PTPN4: variants seen among roughly 807,000 people sequenced by gnomAD.
PTPN4 encodes the protein tyrosine-protein phosphatase non-receptor type 4.
Under a neutral mutation model 135.5 loss-of-function variants are expected in PTPN4, and 49 were observed. That is an observed-to-expected ratio of 0.36 (90% CI 0.29 to 0.46). The LOEUF (loss-of-function observed/expected upper bound fraction) is 0.46. PTPN4 is among the 20% of genes least tolerant of loss of function. The pLI, the probability that PTPN4 is intolerant of heterozygous loss-of-function variation, is 1.00. For synonymous variants in PTPN4, 333 were observed against 369.9 expected, an observed-to-expected ratio of 0.90 and a Z score of 1.14; for missense variants, 860 against 1,101.0, an observed-to-expected ratio of 0.78 and a Z score of 3.10.
intron 1 of PTPN4, among the ~76,000 whole-genome samples, chr2:119,770,809 T>G (rs986852333): frequency 6.6e-6 from 1 of 152,164 alleles, no homozygotes; most frequent in Non-Finnish European, 1.5e-5. Flanking sequence ...TCTTTCTGTA[T>G]GAACTAGTGC....
At chr2:119,939,738 T>C (rs1317302204) in intron 15 of PTPN4, among the ~76,000 whole-genome samples, 2 of 152,186 alleles carry the variant, frequency 1.3e-5, no homozygotes, top group African/African-American at 4.8e-5. Context: ...AGCTTTGCCT[T>C]TCCTCCACCC....
rs192464662 is a variant in PTPN4, at chr2:119,855,890, C to T, written c.139-6646C>T. On this transcript the variant is annotated intron_variant, in intron 2 of 26. Coordinates refer to ENST00000263708, the MANE Select transcript of PTPN4 (RefSeq NM_002830.4). ...GCGATCTCAGCTTACTGCAAAGCTC[C>T]GCCTCCTGGGTTCACACCATTCTCC... Among the ~76,000 whole-genome samples the T allele has an allele frequency of 3.3e-3, 497 of 152,110 alleles. 2 individuals carry two copies. Among genetic ancestry groups the T allele is most frequent in the African/African-American group, 0.011 (467 of 41,492 alleles).
chr2:119,980,401 A>G lies in PTPN4; in HGVS notation c.*3331A>G, dbSNP rs1679674648. ...AAGTCTCCTGTCTTCTATCTCCACT[A>G]GAAGTACTGCAGCTTGAGAGCTGAA... On this transcript the variant is annotated 3_prime_UTR_variant, in exon 27 of 27. Transcript: ENST00000263708. 1 of 152,062 alleles carries G rather than the reference A, an allele frequency of 6.6e-6. No individual in the cohort carries two copies. 9.4% of individuals were successfully genotyped at this position (152,062 alleles called of 1,614,324 possible). A position where few individuals can be genotyped will look rare whatever the true frequency, so the allele number is the denominator to read the frequency against.
chr2:119,970,738 C>G (rs1449784594), intron 26 of PTPN4, among the ~76,000 whole-genome samples: 2 of 152,136 alleles, frequency 1.3e-5, no homozygotes, highest in Non-Finnish European at 2.9e-5. Flanking sequence ...TTTGTATCCA[C>G]TTTTTGGTTA....
intron 2 of PTPN4, among the ~76,000 whole-genome samples, chr2:119,845,246 G>GGGAGGA (rs1677475584): frequency 1.4e-5 from 1 of 72,846 alleles, no homozygotes; most frequent in Non-Finnish European, 2.9e-5. Flanking sequence ...GAGGGAGAGG[G>GGGAGGA]GGAGGGGGAG....
chr2:119,773,831 A>C (rs1292212456), intron 1 of PTPN4, among the ~76,000 whole-genome samples: 1 of 152,180 alleles, frequency 6.6e-6, no homozygotes, highest in Admixed American at 6.5e-5. Flanking sequence ...ACTACCATAA[A>C]ATATACACAA....
chr2:119,788,330 A>C (rs1406421801), intron 1 of PTPN4, among the ~76,000 whole-genome samples: 4 of 152,214 alleles, frequency 2.6e-5, no homozygotes, highest in Non-Finnish European at 5.9e-5. Flanking sequence ...AAAATAAAAT[A>C]ATTTCACTAA....
rs768023889 is a variant in PTPN4, at chr2:119,932,542, C to T, written c.1189C>T (p.Pro397Ser). 6 of 1,604,880 alleles carry T rather than the reference C, an allele frequency of 3.7e-6. No individual in the cohort carries two copies. The highest frequency in any genetic ancestry group is 5.1e-6 in the Non-Finnish European group (6 of 1,176,246). The change falls in exon 14 of 27, where the codon CCT becomes TCT. Residue 397 changes from proline (P) to serine (S), a missense_variant. By Grantham distance (74) the Pro-to-Ser change is moderately conservative. This residue lies in a region of PTPN4 where 684 missense variants were observed against 807.0 expected (regional missense o/e 0.85). Coordinates refer to ENST00000263708, the MANE Select transcript of PTPN4 (RefSeq NM_002830.4). ...TCCATCACGATCTCCACCGGGAACT[C>T]CTAATCAGTAAGTGTGAATTTTGTG... ...SLPSRSPPGT[P>S]NHRNSTFTQE...
intron 1 of PTPN4, 53 bp from the exon 2 acceptor site, chr2:119,809,784 A>G: frequency 6.9e-7 from 1 of 1,440,968 alleles, no homozygotes; most frequent in Non-Finnish European, 9.3e-7. Context: ...TTTAAACTAC[A>G]GCTTATATTT....
chr2:119,884,422 G>A (rs956329990), intron 8 of PTPN4, among the ~76,000 whole-genome samples: 7 of 152,196 alleles, frequency 4.6e-5, no homozygotes, highest in African/African-American at 1.7e-4. Flanking sequence ...CACAGAGACT[G>A]TATGTCCTAA....
chr2:119,975,165 G>A (rs1380341250), intron 26 of PTPN4, among the ~76,000 whole-genome samples: 1 of 152,144 alleles, frequency 6.6e-6, no homozygotes. Flanking sequence ...AGGCTGGTTT[G>A]CAGTAGTGTG....
In PTPN4 at chr2:119,977,270, C is replaced by T; in HGVS notation, c.*200C>T. ...AATCTATAACTCATGTATTTGAAGACTGTTTCATGCTTTGCTCCGAACAAA... is the reference window on the plus strand; with the variant it reads ...AATCTATAACTCATGTATTTGAAGATTGTTTCATGCTTTGCTCCGAACAAA... On this transcript the variant is annotated 3_prime_UTR_variant, in exon 27 of 27. Transcript: ENST00000263708. The T allele has an allele frequency of 3.6e-6, 3 of 840,752 alleles. No individual in the cohort carries two copies. The highest frequency in any genetic ancestry group is 4.8e-6 in the Non-Finnish European group (3 of 623,130). 52.1% of individuals were successfully genotyped at this position (840,752 alleles called of 1,614,324 possible).
At chr2:119,832,761 C>T (rs548851926) in intron 2 of PTPN4, among the ~76,000 whole-genome samples, 1 of 151,998 alleles carries the variant, frequency 6.6e-6, no homozygotes, top group East Asian at 1.9e-4. Context: ...TACTGTGATG[C>T]AAAATCAGTT....
At position 119,787,824 on chromosome 2, in the gene PTPN4, A is replaced by T. The variant is rs1476512580; in HGVS notation, c.-17-22013A>T. ...TAAAAATTGGTTGAAAGCATCAGGTATGAGTCCCTAAGTTGGTGTGTATGT... is the reference window on the plus strand; with the variant it reads ...TAAAAATTGGTTGAAAGCATCAGGTTTGAGTCCCTAAGTTGGTGTGTATGT... On this transcript the variant is annotated intron_variant, in intron 1 of 26. Transcript: ENST00000263708. Among the ~76,000 whole-genome samples, 3 of 152,194 alleles carry T rather than the reference A, an allele frequency of 2.0e-5. No individual in the cohort carries two copies. In the South Asian group the frequency reaches 6.2e-4, roughly 32 times the overall value.
chr2:119,816,173 G>A (rs774760494), intron 2 of PTPN4, among the ~76,000 whole-genome samples: 3 of 152,156 alleles, frequency 2.0e-5, no homozygotes, highest in Non-Finnish European at 4.4e-5. Context: ...CCTGAACAGC[G>A]TGTTAGTGAA....
rs78910037 is a variant in PTPN4 at position 119,932,109 on chromosome 2, G to C, written c.1071-315G>C. ...AGTATCTGTCTTGTCAGTAACATCT[G>C]AGAAAACATTTGGTAGCAAACCCTT... On this transcript the variant is annotated intron_variant, in intron 13 of 26. Transcript: ENST00000263708. 4.2e-3 allele frequency among the ~76,000 whole-genome samples: 647 copies of C among 152,278 alleles called. 4 individuals carry two copies. Among genetic ancestry groups the C allele is most frequent in the Non-Finnish European group, 6.4e-3 (436 of 68,022 alleles).
intron 5 of PTPN4, among the ~76,000 whole-genome samples, chr2:119,878,956 G>A (rs574475125): frequency 1.3e-5 from 2 of 151,790 alleles, no homozygotes; most frequent in Non-Finnish European, 2.9e-5. Flanking sequence ...AGCCGGGTGT[G>A]GTGGCAGGCG....
chr2:119,924,086 G>A (rs112674467), intron 12 of PTPN4, among the ~76,000 whole-genome samples: 3,681 of 146,038 alleles, frequency 0.025, 158 homozygotes, highest in African/African-American at 0.088. Flanking sequence ...GCAGTGAGCC[G>A]AGATGGAGCC....
rs1679365799 is a variant in PTPN4 at position 119,961,493 on chromosome 2, A to G, written c.2280+540A>G. On this transcript the variant is annotated intron_variant, in intron 23 of 26. Coordinates refer to ENST00000263708, the MANE Select transcript of PTPN4 (RefSeq NM_002830.4). Reference sequence around the variant, plus strand: ...GTAAAACCATCCAGCCATTTTGGAAAACAGTCTTGTAGTTCCTCAAAGAGT... The same window carrying G: ...GTAAAACCATCCAGCCATTTTGGAAGACAGTCTTGTAGTTCCTCAAAGAGT... Among the ~76,000 whole-genome samples the G allele has an allele frequency of 2.6e-5, 4 of 152,326 alleles. No individual in the cohort carries two copies. The South Asian group carries it at 8.3e-4, about 32-fold the overall frequency.
Sources: allele counts gnomAD v4.1 joint callset (sites outside exome capture counted in the v4.1 genomes callset), GRCh38; gene constraint gnomAD v4.1.1; regional missense constraint gnomAD v4.1.1; transcripts MANE v1.5; gene names NCBI Gene and HGNC (gene_info 2026-07-23, HGNC 2026-07-21).